Variants in NAV3 observed in about 807,000 individuals in gnomAD.
The protein encoded by NAV3 is pore membrane and/or filament interacting like protein 1.
In NAV3, 87 loss-of-function variants were observed where a neutral mutation model predicts 244.7. The ratio of observed to expected loss-of-function variants is 0.36; its 90% CI spans 0.30 to 0.42. The LOEUF is 0.42. Among genes scored for constraint, NAV3 ranks in the 20% least tolerant of loss-of-function variants. The pLI, the probability that NAV3 is intolerant of heterozygous loss-of-function variation, is 1.00. For synonymous variants in NAV3, 1,126 were observed against 1,042.2 expected (o/e 1.08, Z -1.55); for missense variants, 2,663 against 2,893.3 (o/e 0.92, Z 1.83).
At chr12:78,168,949 C>A in intron 24 of NAV3, 83 bp downstream of exon 24, 1 of 876,640 alleles carries the variant, frequency 1.1e-6, no homozygotes, top group South Asian at 1.7e-5. Context: ...TGCATTTACT[C>A]AGTGTCACTG....
intron 2 of NAV3, among the ~76,000 whole-genome samples, chr12:77,694,648 C>T (rs1020324897): frequency 2.0e-5 from 3 of 152,044 alleles, no homozygotes; most frequent in Non-Finnish European, 2.9e-5. Flanking sequence ...CTTTGTGGCC[C>T]TTCTAGATAC....
At chr12:77,750,996 T>G (rs1464969036) in intron 2 of NAV3, among the ~76,000 whole-genome samples, 1 of 152,222 alleles carries the variant, frequency 6.6e-6, no homozygotes. Context: ...CACAACTAAC[T>G]GTGAGAATTT....
At chr12:78,107,846 A>G (rs1035180320) in intron 12 of NAV3, among the ~76,000 whole-genome samples, 1 of 152,156 alleles carries the variant, frequency 6.6e-6, no homozygotes, top group African/African-American at 2.4e-5. Flanking sequence ...GGAGGTATCA[A>G]ATGTTACCAC....
At chr12:77,936,407 C>T (rs887174241) in intron 1 of NAV3, among the ~76,000 whole-genome samples, 6 of 152,062 alleles carry the variant, frequency 3.9e-5, no homozygotes, top group South Asian at 2.1e-4. Flanking sequence ...TCAAAACAGT[C>T]GAAGAAGACT....
intron 2 of NAV3, among the ~76,000 whole-genome samples, chr12:77,771,826 T>C (rs6538335): frequency 0.54 from 81,287 of 151,736 alleles, 21,934 homozygotes; most frequent in South Asian, 0.67. Flanking sequence ...GACAAGTTAA[T>C]GGGTGCAGCA....
At chr12:78,007,844 T>G (rs1383845419) in intron 8 of NAV3, among the ~76,000 whole-genome samples, 1 of 152,202 alleles carries the variant, frequency 6.6e-6, no homozygotes, top group African/African-American at 2.4e-5. Flanking sequence ...TTGTCATCTT[T>G]GGGAGAAAGT....
intron 2 of NAV3, among the ~76,000 whole-genome samples, chr12:77,753,018 A>C (rs1191022109): frequency 1.3e-5 from 2 of 152,182 alleles, no homozygotes; most frequent in African/African-American, 4.8e-5. Context: ...CCATGACCTG[A>C]AGGTGCTACT....
chr12:77,588,970 C>G (rs1445652820), intron 2 of NAV3, among the ~76,000 whole-genome samples: 1 of 152,018 alleles, frequency 6.6e-6, no homozygotes, highest in East Asian at 1.9e-4. Flanking sequence ...CAGAGCTATA[C>G]CTGGGAATGA....
intron 2 of NAV3, among the ~76,000 whole-genome samples, chr12:77,636,940 T>C (rs1301577256): frequency 6.6e-6 from 1 of 151,532 alleles, no homozygotes; most frequent in African/African-American, 2.4e-5. Context: ...AGTCAAACCA[T>C]GAGAACACAT....
At chr12:77,746,051 G>A (rs1868525556) in intron 2 of NAV3, among the ~76,000 whole-genome samples, 1 of 149,388 alleles carries the variant, frequency 6.7e-6, no homozygotes, top group Non-Finnish European at 1.5e-5. Context: ...ATGGTAACCT[G>A]ATGCACAGTC....
intron 22 of NAV3, among the ~76,000 whole-genome samples, chr12:78,151,549 TAATTCCATTTATATA>T: frequency 6.6e-6 from 1 of 152,044 alleles, no homozygotes; most frequent in East Asian, 1.9e-4. Context: ...AAATTTTGTA[TAATTCCATTTATATA>T]ACATTCCAGA....
chr12:77,780,475 T>C (rs953715037), intron 2 of NAV3, among the ~76,000 whole-genome samples: 1 of 152,144 alleles, frequency 6.6e-6, no homozygotes, highest in Non-Finnish European at 1.5e-5. Context: ...GCAATAAAGG[T>C]CAAGATTATA....
intron 7 of NAV3, among the ~76,000 whole-genome samples, chr12:78,004,226 T>C (rs1240196450): frequency 1.3e-5 from 2 of 152,214 alleles, no homozygotes; most frequent in Non-Finnish European, 1.5e-5. Flanking sequence ...TATTATGGGT[T>C]TAAATGAGAT....
chr12:77,786,072 T>G (rs970362625), intron 2 of NAV3, among the ~76,000 whole-genome samples: 1 of 152,136 alleles, frequency 6.6e-6, no homozygotes, highest in African/African-American at 2.4e-5. Flanking sequence ...GGGGAGCCCA[T>G]GAAGTCTTTC....
intron 2 of NAV3, among the ~76,000 whole-genome samples, chr12:77,774,255 T>C (rs1040582875): frequency 6.6e-6 from 1 of 152,150 alleles, no homozygotes; most frequent in Non-Finnish European, 1.5e-5. Context: ...AAAGGCCCAA[T>C]AGGAAGTAAA....
chr12:77,868,781 A>T (rs1250344940), intron 1 of NAV3, among the ~76,000 whole-genome samples: 3 of 150,904 alleles, frequency 2.0e-5, no homozygotes, highest in African/African-American at 7.3e-5. Context: ...AGAAAAAAAA[A>T]CTTAGAGGCT....
chr12:77,693,188 A>C (rs1204207932), intron 2 of NAV3, among the ~76,000 whole-genome samples: 2 of 152,070 alleles, frequency 1.3e-5, no homozygotes, highest in Non-Finnish European at 2.9e-5. Context: ...TATTTAAATA[A>C]AGTTATAGTA....
At chr12:77,737,858 T>C (rs1471823860) in intron 2 of NAV3, among the ~76,000 whole-genome samples, 2 of 152,228 alleles carry the variant, frequency 1.3e-5, no homozygotes, top group African/African-American at 4.8e-5. Flanking sequence ...AATATGATCA[T>C]ATCCTGGAGT....
chr12:78,020,690 T>C (rs1409445824), intron 8 of NAV3, among the ~76,000 whole-genome samples: 3 of 152,174 alleles, frequency 2.0e-5, no homozygotes, highest in Non-Finnish European at 2.9e-5. Flanking sequence ...ACTTTTTTTC[T>C]CTTGAAACTC....
Sources: gnomAD v4.1 joint callset for allele counts (sites outside exome capture counted in the v4.1 genomes callset) on GRCh38, gnomAD v4.1.1 for gene constraint, MANE v1.5 for transcripts, NCBI Gene and HGNC (gene_info 2026-07-23, HGNC 2026-07-21) for gene names.